Variants in RANBP3 observed in about 807,000 individuals in gnomAD.
The protein encoded by RANBP3 is ran-binding protein 3.
A neutral mutation model predicts 77.3 loss-of-function variants in RANBP3; 14 were observed. The ratio of observed to expected loss-of-function variants is 0.18; its 90% CI spans 0.12 to 0.28. RANBP3 has a LOEUF of 0.28. RANBP3 is among the 10% of genes least tolerant of loss of function. The pLI, the probability that RANBP3 is intolerant of heterozygous loss-of-function variation, is 1.00. For synonymous variants in RANBP3, 315 were observed against 312.4 expected, an observed-to-expected ratio of 1.01 and a Z score of -0.09; for missense variants, 586 against 752.3, an observed-to-expected ratio of 0.78 and a Z score of 2.59.
At chr19:5,966,899 G>A (rs1049108377) in intron 1 of RANBP3, among the ~76,000 whole-genome samples, 1 of 152,116 alleles carries the variant, frequency 6.6e-6, no homozygotes, top group African/African-American at 2.4e-5. Flanking sequence ...TCTTACCTGT[G>A]AAAAAAATAT....
At chr19:5,918,667 G>GC (rs774966101) in intron 14 of RANBP3, 29 bp from the exon 15 acceptor site, 8 of 1,607,176 alleles carry the variant, frequency 5.0e-6, no homozygotes, top group Non-Finnish European at 6.0e-6. Flanking sequence ...CTCAGCCCTG[G>GC]CCCCCACACC....
intron 13 of RANBP3, among the ~76,000 whole-genome samples, chr19:5,922,273 A>ACC (rs759809861): frequency 3.9e-5 from 6 of 152,220 alleles, no homozygotes; most frequent in Non-Finnish European, 8.8e-5. Flanking sequence ...CGAGACAGAC[A>ACC]CCCCTACATG....
In RANBP3 at chr19:5,958,065, A is replaced by G; in HGVS notation, c.23-92T>C. Reference sequence around the variant, plus strand: ...TGTTTGTAATATGTTAAACATATATATAAATGAAACTAGTAACTCCAGAGA... The same window carrying G: ...TGTTTGTAATATGTTAAACATATATGTAAATGAAACTAGTAACTCCAGAGA... On this transcript the variant is annotated intron_variant, in intron 1 of 16. Transcript: ENST00000340578. The surrounding 1 kb of genome is among the most constrained non-coding windows in gnomAD (Gnocchi z 4.4). 2 of 1,172,720 alleles carry G rather than the reference A, an allele frequency of 1.7e-6. No individual in the cohort carries two copies. The highest frequency in any genetic ancestry group is 2.5e-6 in the Non-Finnish European group (2 of 798,922). 72.6% of individuals were successfully genotyped at this position (1,172,720 alleles called of 1,614,324 possible). A position where few individuals can be genotyped will look rare whatever the true frequency, so the allele number is the denominator to read the frequency against.
intron 8 of RANBP3, chr19:5,928,457 G>A (rs1427598143): frequency 6.4e-6 from 1 of 156,244 alleles, no homozygotes; most frequent in East Asian, 1.8e-4. Context: ...GTACAGCACA[G>A]CTATTACCAC....
At chr19:5,967,838 T>C (rs934654805) in intron 1 of RANBP3, among the ~76,000 whole-genome samples, 5 of 152,090 alleles carry the variant, frequency 3.3e-5, no homozygotes, top group Non-Finnish European at 5.9e-5. Context: ...CTGGGCAACA[T>C]GGTGAAATCG....
chr19:5,926,358 G>C (rs2057909902), intron 9 of RANBP3, among the ~76,000 whole-genome samples: 1 of 152,104 alleles, frequency 6.6e-6, no homozygotes, highest in Non-Finnish European at 1.5e-5. Flanking sequence ...AGACCAGCCT[G>C]GCCAACATGG....
intron 3 of RANBP3, 126 bp downstream of exon 3, chr19:5,951,267 C>T (rs2058270911): frequency 5.4e-6 from 5 of 918,706 alleles, no homozygotes; most frequent in Non-Finnish European, 6.9e-6. Context: ...TCCTTGTCAT[C>T]TTTTAAGTTA....
At chr19:5,937,056 CAAAAAAAAAAA>C (rs71172783) in intron 5 of RANBP3, among the ~76,000 whole-genome samples, 57 of 37,180 alleles carry the variant, frequency 1.5e-3, no homozygotes, top group South Asian at 0.012. Flanking sequence ...ACTCTGTCTC[CAAAAAAAAAAA>C]AAAAAAAAAA....
At chr19:5,968,373 C>A (rs2058492811) in intron 1 of RANBP3, among the ~76,000 whole-genome samples, 1 of 152,178 alleles carries the variant, frequency 6.6e-6, no homozygotes, top group Non-Finnish European at 1.5e-5. Flanking sequence ...GGCACAATGT[C>A]TTCATTTGCA....
intron 1 of RANBP3, among the ~76,000 whole-genome samples, chr19:5,960,364 G>T (rs940716123): frequency 6.6e-6 from 1 of 152,198 alleles, no homozygotes; most frequent in Non-Finnish European, 1.5e-5. Flanking sequence ...CTGCACTCCA[G>T]CATCTGTGGA....
At chr19:5,925,873 G>A (rs1480574368) in intron 9 of RANBP3, 136 bp from the exon 10 acceptor site, 5 of 687,076 alleles carry the variant, frequency 7.3e-6, no homozygotes, top group African/African-American at 5.3e-5. Context: ...GCCTGTGTGT[G>A]TGCGCGTGCA....
intron 1 of RANBP3, among the ~76,000 whole-genome samples, chr19:5,970,409 A>G (rs1360345687): frequency 6.6e-6 from 1 of 152,150 alleles, no homozygotes; most frequent in Non-Finnish European, 1.5e-5. Flanking sequence ...AGGTTAGATA[A>G]CTATGGAACA....
intron 3 of RANBP3, among the ~76,000 whole-genome samples, chr19:5,951,076 T>C (rs897390115): frequency 6.6e-6 from 1 of 152,056 alleles, no homozygotes; most frequent in Admixed American, 6.6e-5. Flanking sequence ...GGGGTCAAAT[T>C]AGGTTTGGAA....
At chr19:5,931,683 A>G (rs1320091714) in intron 7 of RANBP3, 152 bp from the exon 8 acceptor site, 3 of 793,050 alleles carry the variant, frequency 3.8e-6, no homozygotes, top group Non-Finnish European at 1.8e-6. Flanking sequence ...AGGACCTGGT[A>G]TCTCTACAAA....
chr19:5,935,650 G>A (rs1398853080), intron 5 of RANBP3: 6 of 451,882 alleles, frequency 1.3e-5, no homozygotes, highest in East Asian at 7.0e-5. Context: ...GCTGCCAAGC[G>A]GAAGCAGGAG....
chr19:5,919,529 G>C (rs1032281963), intron 14 of RANBP3, among the ~76,000 whole-genome samples: 4 of 152,220 alleles, frequency 2.6e-5, no homozygotes, highest in Admixed American at 1.3e-4. Flanking sequence ...GGGATGACCT[G>C]GGGGCTCAGG....
chr19:5,924,030 A>AC lies in RANBP3; in HGVS notation c.997-117dup, dbSNP rs1269369001. ...TACGCTGCCCCCAGCACTCCTGCCC[A>AC]CTCCCGGTGACACCCTGAACTGCCT... On this transcript the variant is annotated intron_variant, in intron 11 of 16. Coordinates refer to ENST00000340578, the MANE Select transcript of RANBP3 (RefSeq NM_007322.3). The surrounding 1 kb of genome is among the most constrained non-coding windows in gnomAD (Gnocchi z 4.7). 23 of 734,604 alleles carry AC rather than the reference A, an allele frequency of 3.1e-5. No individual in the cohort carries two copies. The Admixed American group carries it at 4.9e-4, about 16-fold the overall frequency. The allele number at this position is 734,604 out of a possible 1,614,324, so 45.5% of individuals were successfully genotyped here.
At chr19:5,966,977 G>A (rs575103073) in intron 1 of RANBP3, among the ~76,000 whole-genome samples, 2 of 152,208 alleles carry the variant, frequency 1.3e-5, no homozygotes, top group African/African-American at 4.8e-5. Flanking sequence ...CTGGTGACAC[G>A]ATCACAACCC....
chr19:5,925,480 G>A, intron 10 of RANBP3, 154 bp downstream of exon 10: 1 of 665,970 alleles, frequency 1.5e-6, no homozygotes, highest in Non-Finnish European at 2.7e-6. Context: ...ACCCAAGGTT[G>A]TGCCCAGAGT....
Sources: gnomAD v4.1 joint callset for allele counts (sites outside exome capture counted in the v4.1 genomes callset) on GRCh38, gnomAD v4.1.1 for gene constraint, Gnocchi (gnomAD v3.1) non-coding constraint, MANE v1.5 for transcripts, NCBI Gene and HGNC (gene_info 2026-07-23, HGNC 2026-07-21) for gene names.